TOP1: variants seen among roughly 807,000 people sequenced by gnomAD.
TOP1 encodes the protein DNA topoisomerase 1.
In TOP1, 10 loss-of-function variants were observed where a neutral mutation model predicts 111.1. The ratio of observed to expected loss-of-function variants is 0.09; its 90% CI spans 0.06 to 0.15. TOP1 has a LOEUF of 0.15. Among genes scored for constraint, TOP1 ranks in the 10% least tolerant of loss-of-function variants. TOP1 has a pLI of 1.00. For missense variants in TOP1, 474 were observed against 926.7 expected, an observed-to-expected ratio of 0.51 and a Z score of 6.34; for synonymous variants, 271 against 302.9, an observed-to-expected ratio of 0.89 and a Z score of 1.10.
intron 2 of TOP1, among the ~76,000 whole-genome samples, chr20:41,047,130 T>C (rs1378529649): frequency 6.6e-6 from 1 of 152,226 alleles, no homozygotes; most frequent in Non-Finnish European, 1.5e-5. Context: ...TGCGGATACT[T>C]TCTAGTTAGT....
At position 41,080,322 on chromosome 20, in the gene TOP1, T is replaced by C. The variant is rs896285455; in HGVS notation, c.431+142T>C. On this transcript the variant is annotated intron_variant, in intron 6 of 20. Coordinates refer to ENST00000361337, the MANE Select transcript of TOP1 (RefSeq NM_003286.4). This position sits in a 1 kb window ranked among gnomAD's most constrained non-coding sequence, Gnocchi z 5.0. ...TTGGAATTTGTGATTAATGGACTGATTTCTCTGAACTATGAGAAGTAGAGT... is the reference window on the plus strand; with the variant it reads ...TTGGAATTTGTGATTAATGGACTGACTTCTCTGAACTATGAGAAGTAGAGT... The C allele has an allele frequency of 5.3e-6, 3 of 560,812 alleles. No homozygotes were observed. The highest frequency in any genetic ancestry group is 9.4e-6 in the Non-Finnish European group (3 of 317,958). The allele number at this position is 560,812 out of a possible 1,614,324, so 34.7% of individuals were successfully genotyped here.
intron 2 of TOP1, among the ~76,000 whole-genome samples, chr20:41,031,739 A>G (rs1328042129): frequency 6.6e-6 from 1 of 152,208 alleles, no homozygotes; most frequent in Non-Finnish European, 1.5e-5. Flanking sequence ...TGAGTTGGCC[A>G]CTCTAAATCC....
At chr20:41,044,670 G>C (rs1251962804) in intron 2 of TOP1, among the ~76,000 whole-genome samples, 3 of 152,218 alleles carry the variant, frequency 2.0e-5, no homozygotes, top group Admixed American at 6.5e-5. Flanking sequence ...GTGCTAGGAA[G>C]CAGAGTATTT....
chr20:41,086,505 T>G (rs2033850336), intron 8 of TOP1, among the ~76,000 whole-genome samples: 1 of 152,228 alleles, frequency 6.6e-6, no homozygotes. Flanking sequence ...CAAATACATT[T>G]CCTTATCAGG....
At position 41,121,833 on chromosome 20, in the gene TOP1, G is replaced by A. The variant is rs1161338695; in HGVS notation, c.2045+43G>A. On this transcript the variant is annotated intron_variant, in intron 19 of 20. Coordinates refer to ENST00000361337, the MANE Select transcript of TOP1 (RefSeq NM_003286.4). The surrounding 1 kb of genome is among the most constrained non-coding windows in gnomAD (Gnocchi z 4.2). ...TGAAAGTTGGGGCTGGTAGAGAAAA[G>A]TGTGCAGCATCTGTCAGGGCCCCTG... 2 of 1,596,574 alleles carry A rather than the reference G, an allele frequency of 1.3e-6. No homozygotes were observed. Among genetic ancestry groups the A allele is most frequent in the South Asian group, 1.1e-5 (1 of 90,684 alleles).
chr20:41,077,786 C>G, intron 5 of TOP1, 149 bp downstream of exon 5: 1 of 673,202 alleles, frequency 1.5e-6, no homozygotes, highest in Non-Finnish European at 2.6e-6. Context: ...AAGACTCGGT[C>G]TAAGCCAACC....
intron 3 of TOP1, among the ~76,000 whole-genome samples, chr20:41,074,112 T>G (rs1171964071): frequency 6.6e-6 from 1 of 152,234 alleles, no homozygotes; most frequent in Non-Finnish European, 1.5e-5. Flanking sequence ...AACCTTGCTC[T>G]TTGACCATTC....
chr20:41,068,104 C>CT (rs528665343), intron 3 of TOP1, among the ~76,000 whole-genome samples: 40 of 152,310 alleles, frequency 2.6e-4, no homozygotes, highest in Non-Finnish European at 5.6e-4. Flanking sequence ...GCTAAACTGT[C>CT]TGTTTAAATA....
intron 2 of TOP1, among the ~76,000 whole-genome samples, chr20:41,041,331 T>C (rs1439762394): frequency 6.7e-6 from 1 of 149,638 alleles, no homozygotes; most frequent in Non-Finnish European, 1.5e-5. Context: ...GCACCTACAG[T>C]CCCAGCTACT....
In TOP1 at chr20:41,094,751, C is replaced by T. The variant is rs186944116; in HGVS notation, c.730+2164C>T. Among the ~76,000 whole-genome samples, 4 of 152,292 alleles carry T rather than the reference C, an allele frequency of 2.6e-5. No individual in the cohort carries two copies. Among genetic ancestry groups the T allele is most frequent in the Admixed American group, 2.6e-4 (4 of 15,302 alleles). Reference sequence around the variant, plus strand: ...TCTGGGGAGGAGAATTCTTAGACTCCTTTAGAACTTGCCAGGGAGGTGGGG... The same window carrying T: ...TCTGGGGAGGAGAATTCTTAGACTCTTTTAGAACTTGCCAGGGAGGTGGGG... On this transcript the variant is annotated intron_variant, in intron 9 of 20. Transcript: ENST00000361337. The surrounding 1 kb of genome is among the most constrained non-coding windows in gnomAD (Gnocchi z 4.4).
rs1057374678 is a variant in TOP1 at position 41,030,213 on chromosome 20, A to T, written c.58+758A>T. Reference sequence around the variant, plus strand: ...CACCCAATGTAAATGTTGGATTTTTAAAAAATTATGTTAGTCACTGGAACT... The same window carrying T: ...CACCCAATGTAAATGTTGGATTTTTTAAAAATTATGTTAGTCACTGGAACT... On this transcript the variant is annotated intron_variant, in intron 2 of 20. Transcript: ENST00000361337. The surrounding 1 kb of genome is among the most constrained non-coding windows in gnomAD (Gnocchi z 4.1). 7.9e-5 allele frequency among the ~76,000 whole-genome samples: 12 copies of T among 152,198 alleles called. No individual in the cohort carries two copies. Among genetic ancestry groups the T allele is most frequent in the African/African-American group, 2.9e-4 (12 of 41,452 alleles).
At chr20:41,096,591 C>G (rs1260471686) in intron 9 of TOP1, among the ~76,000 whole-genome samples, 4 of 152,226 alleles carry the variant, frequency 2.6e-5, no homozygotes, top group Non-Finnish European at 5.9e-5. Flanking sequence ...CATTTCTAAA[C>G]TCCCACATGA....
chr20:41,057,914 G>A (rs187704880), intron 2 of TOP1, among the ~76,000 whole-genome samples: 28 of 152,298 alleles, frequency 1.8e-4, no homozygotes, highest in Admixed American at 1.8e-3. Flanking sequence ...TAAGTGTTTG[G>A]TTTGAGGCAG....
chr20:41,090,161 TAC>T (rs1228171792), intron 8 of TOP1, among the ~76,000 whole-genome samples: 1 of 152,102 alleles, frequency 6.6e-6, no homozygotes, highest in Non-Finnish European at 1.5e-5. Context: ...TTTTAATAGA[TAC>T]AGAGTTTTGC....
At position 41,069,159 on chromosome 20, in the gene TOP1, G is replaced by A. The variant is rs745645580; in HGVS notation, c.156-7012G>A. 2.0e-5 allele frequency among the ~76,000 whole-genome samples: 3 copies of A among 152,218 alleles called. No individual in the cohort carries two copies. Among genetic ancestry groups the A allele is most frequent in the Non-Finnish European group, 4.4e-5 (3 of 68,044 alleles). On this transcript the variant is annotated intron_variant, in intron 3 of 20. Coordinates refer to ENST00000361337, the MANE Select transcript of TOP1 (RefSeq NM_003286.4). The surrounding 1 kb of genome is among the most constrained non-coding windows in gnomAD (Gnocchi z 4.1). ...CAAATCCTACCTGAATTGTAATTGA[G>A]AGAATGTAGGATTTTAGGAATATGC...
intron 17 of TOP1, among the ~76,000 whole-genome samples, chr20:41,117,240 C>T (rs1007043049): frequency 5.3e-5 from 8 of 151,962 alleles, no homozygotes; most frequent in Admixed American, 2.0e-4. Context: ...GTCATCCCAG[C>T]TACCTGGGAG....
chr20:41,085,356 A>G (rs1244067248), intron 8 of TOP1, among the ~76,000 whole-genome samples: 1 of 152,232 alleles, frequency 6.6e-6, no homozygotes, highest in Non-Finnish European at 1.5e-5. Flanking sequence ...CAAATGTAAG[A>G]AAACAGGCAT....
At chr20:41,050,178 G>A (rs759690439) in intron 2 of TOP1, among the ~76,000 whole-genome samples, 66 of 152,180 alleles carry the variant, frequency 4.3e-4, no homozygotes, top group Admixed American at 1.8e-3. Context: ...CACCATGCCC[G>A]GCTAATTTTT....
At position 41,112,657 on chromosome 20, in the gene TOP1, G is replaced by T; in HGVS notation, c.1309-125G>T. The T allele has an allele frequency of 9.8e-7, 1 of 1,022,598 alleles. No homozygotes were observed. Among genetic ancestry groups the T allele is most frequent in the Non-Finnish European group, 1.4e-6 (1 of 702,108 alleles). 63.3% of individuals were successfully genotyped at this position (1,022,598 alleles called of 1,614,324 possible). On this transcript the variant is annotated intron_variant, in intron 13 of 20. Coordinates refer to ENST00000361337, the MANE Select transcript of TOP1 (RefSeq NM_003286.4). The surrounding 1 kb of genome is among the most constrained non-coding windows in gnomAD (Gnocchi z 5.8). Reference sequence around the variant, plus strand: ...TGCCTCCTGCGTTCAAGCAATTCTTGTGTCTTAGCCTCCCTATTAGCTAGC... The same window carrying T: ...TGCCTCCTGCGTTCAAGCAATTCTTTTGTCTTAGCCTCCCTATTAGCTAGC...
Sources: gnomAD v4.1 joint callset for allele counts (sites outside exome capture counted in the v4.1 genomes callset) on GRCh38, gnomAD v4.1.1 for gene constraint, Gnocchi (gnomAD v3.1) non-coding constraint, MANE v1.5 for transcripts, NCBI Gene and HGNC (gene_info 2026-07-23, HGNC 2026-07-21) for gene names.